Variants in VGLL4 observed in about 807,000 individuals in gnomAD.
VGLL4 encodes vestigial like family member 4.
VGLL4 carries 7 observed loss-of-function variants against 21.0 expected under a neutral mutation model. The observed-to-expected ratio is 0.33, with a 90% CI of 0.19 to 0.63. The LOEUF (loss-of-function observed/expected upper bound fraction) is 0.63. Ranked by LOEUF, VGLL4 falls within the 20% of genes least tolerant of loss-of-function variation. VGLL4 has a pLI of 0.78. For synonymous variants in VGLL4, 222 were observed against 173.2 expected, an observed-to-expected ratio of 1.28 and a Z score of -2.21; for missense variants, 394 against 425.7, an observed-to-expected ratio of 0.93 and a Z score of 0.66.
chr3:11,653,207 A>C lies in VGLL4; in HGVS notation c.64+49764T>G, dbSNP rs759905631. Among the ~76,000 whole-genome samples the C allele has an allele frequency of 1.3e-5, 2 of 152,180 alleles. No individual in the cohort carries two copies. The highest frequency in any genetic ancestry group is 2.4e-5 in the African/African-American group (1 of 41,442). On this transcript the variant is annotated intron_variant, in intron 2 of 5. Transcript: ENST00000273038. The surrounding 1 kb of genome is among the most constrained non-coding windows in gnomAD (Gnocchi z 4.2). ...CACCTCCACAGTCATCCTTCCAACCAGTTAGGGTGCCGTCCAGGAAAGAGA... is the reference window on the plus strand; with the variant it reads ...CACCTCCACAGTCATCCTTCCAACCCGTTAGGGTGCCGTCCAGGAAAGAGA...
intron 1 of VGLL4, among the ~76,000 whole-genome samples, chr3:11,617,956 T>G (rs1462296422): frequency 1.3e-5 from 2 of 152,240 alleles, no homozygotes; most frequent in Non-Finnish European, 2.9e-5. Flanking sequence ...CTTTAAACAA[T>G]TTAGATGTCC....
rs2074342391 is a variant in VGLL4 at position 11,585,540 on chromosome 3, T to C, written c.272+16293A>G. 2.0e-5 allele frequency among the ~76,000 whole-genome samples: 3 copies of C among 152,190 alleles called. 1 individual carries two copies. In the South Asian group the frequency reaches 6.2e-4, roughly 32 times the overall value. ...GATCTCCCAAGAGAGAAATCTATTA[T>C]GGTCTTGTTTCAGATTTGTAGGTTT... is the stretch of plus-strand genomic sequence containing the variant. On this transcript the variant is annotated intron_variant, in intron 2 of 4. Coordinates refer to ENST00000430365, the MANE Select transcript of VGLL4 (RefSeq NM_001128219.3).
At chr3:11,663,716 T>C (rs892503313) in intron 2 of VGLL4, among the ~76,000 whole-genome samples, 2 of 152,122 alleles carry the variant, frequency 1.3e-5, no homozygotes, top group African/African-American at 2.4e-5. Context: ...AGGCTCCACC[T>C]CAAAATAAAA....
At chr3:11,695,990 C>A (rs1336132517) in intron 2 of VGLL4, among the ~76,000 whole-genome samples, 1 of 152,148 alleles carries the variant, frequency 6.6e-6, no homozygotes, top group East Asian at 1.9e-4. Flanking sequence ...TAAAGTGCAA[C>A]TTTACAAAAC....
chr3:11,605,414 C>A (rs113860460), intron 1 of VGLL4, among the ~76,000 whole-genome samples: 3 of 151,428 alleles, frequency 2.0e-5, no homozygotes, highest in African/African-American at 7.3e-5. Flanking sequence ...GCATTCGAAA[C>A]CCCAACTGCC....
At chr3:11,562,497 A>C (rs1279451515) in intron 3 of VGLL4, among the ~76,000 whole-genome samples, 3 of 152,006 alleles carry the variant, frequency 2.0e-5, no homozygotes, top group African/African-American at 7.2e-5. Context: ...CCCCCTCCCC[A>C]CTGCCATTTC....
At chr3:11,682,525 C>T (rs537956033) in intron 2 of VGLL4, among the ~76,000 whole-genome samples, 44 of 151,910 alleles carry the variant, frequency 2.9e-4, no homozygotes, top group African/African-American at 9.2e-4. Context: ...CTGCAATGAG[C>T]CAAGATCTCA....
intron 1 of VGLL4, among the ~76,000 whole-genome samples, chr3:11,630,869 C>A (rs994993322): frequency 6.6e-6 from 1 of 152,130 alleles, no homozygotes; most frequent in Admixed American, 6.5e-5. Flanking sequence ...GAACACTGTA[C>A]AACAAAGTGT....
At chr3:11,625,653 T>C (rs2075338137) in intron 1 of VGLL4, among the ~76,000 whole-genome samples, 1 of 152,214 alleles carries the variant, frequency 6.6e-6, no homozygotes, top group African/African-American at 2.4e-5. Flanking sequence ...GAAGGCAGCA[T>C]TGTAGTCTGT....
At chr3:11,587,103 G>A (rs1052645967) in intron 2 of VGLL4, among the ~76,000 whole-genome samples, 4 of 152,204 alleles carry the variant, frequency 2.6e-5, no homozygotes, top group Non-Finnish European at 5.9e-5. Flanking sequence ...TCAAGGCAAG[G>A]CCAAGGAGGC....
chr3:11,637,741 A>G lies in VGLL4; in HGVS notation c.82+5696T>C, dbSNP rs76338147. ...ATGTAACATTCAGAAAGGAAAGGAG[A>G]GCAAATGAAGAAAGCAAAATCATTT... is the stretch of plus-strand genomic sequence containing the variant. On this transcript the variant is annotated intron_variant, in intron 1 of 4. Coordinates refer to ENST00000430365, the MANE Select transcript of VGLL4 (RefSeq NM_001128219.3). Among the ~76,000 whole-genome samples the G allele has an allele frequency of 3.9e-3, 588 of 151,030 alleles. 7 individuals carry two copies. Among genetic ancestry groups the G allele is most frequent in the African/African-American group, 0.013 (557 of 41,500 alleles).
At chr3:11,680,046 G>A (rs966226292) in intron 2 of VGLL4, among the ~76,000 whole-genome samples, 3 of 152,114 alleles carry the variant, frequency 2.0e-5, no homozygotes, top group Non-Finnish European at 4.4e-5. Context: ...TATTTTTACT[G>A]TAACTTTTCT....
At chr3:11,650,637 C>G (rs2075856933) in intron 2 of VGLL4, among the ~76,000 whole-genome samples, 1 of 152,124 alleles carries the variant, frequency 6.6e-6, no homozygotes, top group South Asian at 2.1e-4. Flanking sequence ...TGCTCTTCCT[C>G]CCAGGGTTTC....
At chr3:11,721,466 C>T (rs1182926335), upstream of VGLL4, among the ~76,000 whole-genome samples, 1 of 152,250 alleles carries the variant, frequency 6.6e-6, no homozygotes, top group Non-Finnish European at 1.5e-5. Flanking sequence ...ACTTACAAGT[C>T]AACCTAGGAA....
chr3:11,574,330 C>G (rs2073963673), intron 2 of VGLL4, among the ~76,000 whole-genome samples: 1 of 152,164 alleles, frequency 6.6e-6, no homozygotes, highest in African/African-American at 2.4e-5. Flanking sequence ...AAAGAGAGGT[C>G]CTGAGATCCA....
chr3:11,621,166 T>C (rs532183261), intron 1 of VGLL4, among the ~76,000 whole-genome samples: 35 of 152,388 alleles, frequency 2.3e-4, no homozygotes, highest in Non-Finnish European at 4.7e-4. Flanking sequence ...ACTTTTATAA[T>C]AGCTTTATTG....
chr3:11,619,308 A>C (rs1163392924), intron 1 of VGLL4, among the ~76,000 whole-genome samples: 1 of 152,218 alleles, frequency 6.6e-6, no homozygotes, highest in African/African-American at 2.4e-5. Context: ...ATAGAAACAT[A>C]ACGACAAACA....
At chr3:11,618,895 T>A (rs956733173) in intron 1 of VGLL4, among the ~76,000 whole-genome samples, 6 of 152,180 alleles carry the variant, frequency 3.9e-5, no homozygotes, top group African/African-American at 1.4e-4. Flanking sequence ...CTTTCTATCC[T>A]CCCACCTCTC....
At chr3:11,564,583 T>C (rs2073350885) in intron 3 of VGLL4, among the ~76,000 whole-genome samples, 1 of 151,776 alleles carries the variant, frequency 6.6e-6, no homozygotes, top group Non-Finnish European at 1.5e-5. Flanking sequence ...CGGGCAGGTC[T>C]GGGCAGGAAG....
Sources: gnomAD v4.1 joint callset for allele counts (sites outside exome capture counted in the v4.1 genomes callset) on GRCh38, gnomAD v4.1.1 for gene constraint, Gnocchi (gnomAD v3.1) non-coding constraint, MANE v1.5 for transcripts, NCBI Gene and HGNC (gene_info 2026-07-23, HGNC 2026-07-21) for gene names.